PTPN4: variants seen among roughly 807,000 people sequenced by gnomAD.
PTPN4 encodes protein tyrosine phosphatase non-receptor type 4.
In PTPN4, 49 loss-of-function variants were observed where a neutral mutation model predicts 135.5. The observed-to-expected ratio is 0.36, with a 90% CI of 0.29 to 0.46. The LOEUF is 0.46. Among genes scored for constraint, PTPN4 ranks in the 20% least tolerant of loss-of-function variants. PTPN4 has a pLI of 1.00. For missense variants in PTPN4, 860 were observed against 1,101.0 expected (o/e 0.78, Z 3.10); for synonymous variants, 333 against 369.9 (o/e 0.90, Z 1.14).
chr2:119,809,798 G>T lies in PTPN4; in HGVS notation c.-17-39G>T. The T allele has an allele frequency of 4.7e-6, 7 of 1,494,820 alleles. No homozygotes were observed. The South Asian group carries it at 5.4e-5, about 11-fold the overall frequency. The allele number at this position is 1,494,820 out of a possible 1,614,324, so 92.6% of individuals were successfully genotyped here. Reference sequence around the variant, plus strand: ...TTTTAAACTACAGCTTATATTTTACGAACCTTTTATTTAGTGAATTTTTTT... The same window carrying T: ...TTTTAAACTACAGCTTATATTTTACTAACCTTTTATTTAGTGAATTTTTTT... On this transcript the variant is annotated intron_variant, in intron 1 of 26. Transcript: ENST00000263708.
intron 3 of PTPN4, among the ~76,000 whole-genome samples, chr2:119,868,471 C>G (rs1157677543): frequency 6.6e-6 from 1 of 152,140 alleles, no homozygotes; most frequent in Non-Finnish European, 1.5e-5. Flanking sequence ...CAGGACCCCC[C>G]AAAATCTGGC....
At chr2:119,846,927 A>G (rs565053060) in intron 2 of PTPN4, among the ~76,000 whole-genome samples, 1 of 151,560 alleles carries the variant, frequency 6.6e-6, no homozygotes, top group East Asian at 1.9e-4. Flanking sequence ...ATATACATAT[A>G]TTACAAACCC....
At chr2:119,828,278 T>A (rs999249836) in intron 2 of PTPN4, among the ~76,000 whole-genome samples, 2 of 152,232 alleles carry the variant, frequency 1.3e-5, no homozygotes, top group Non-Finnish European at 2.9e-5. Context: ...CTATCTGCTG[T>A]CTAACTGTAG....
intron 9 of PTPN4, among the ~76,000 whole-genome samples, chr2:119,887,321 T>C (rs1416807698): frequency 7.9e-5 from 12 of 152,058 alleles, no homozygotes; most frequent in Non-Finnish European, 1.5e-5. Flanking sequence ...AGATCACATC[T>C]CTACAAATTT....
rs533913416 is a variant in PTPN4 at position 119,981,115 on chromosome 2, A to G, written c.*4045A>G. 1.1e-4 allele frequency: 16 copies of G among 152,224 alleles called. No homozygotes were observed. In the South Asian group the frequency reaches 3.3e-3, roughly 32 times the overall value. The allele number at this position is 152,224 out of a possible 1,614,324, so 9.4% of individuals were successfully genotyped here. ...ATTCATAAAAATTGTTTATACCACA[A>G]TAATGTGGGATATGTTTACAGGCTC... is the stretch of plus-strand genomic sequence containing the variant. On this transcript the variant is annotated 3_prime_UTR_variant, in exon 27 of 27. Transcript: ENST00000263708.
At position 119,760,319 on chromosome 2, in the gene PTPN4, C is replaced by G. The variant is rs935811608; in HGVS notation, c.-83C>G. On this transcript the variant is annotated 5_prime_UTR_variant, in exon 1 of 27. Transcript: ENST00000263708. ...GAGCGGCACGGAGGACGCGCTTCTCCTCTGCGCGCCGGGGCCTCGAGGCTT... is the reference window on the plus strand; with the variant it reads ...GAGCGGCACGGAGGACGCGCTTCTCGTCTGCGCGCCGGGGCCTCGAGGCTT... 6.3e-5 allele frequency: 25 copies of G among 395,308 alleles called. No individual in the cohort carries two copies. The highest frequency in any genetic ancestry group is 3.5e-4 in the Admixed American group (8 of 22,632). The allele number at this position is 395,308 out of a possible 1,614,324, so 24.5% of individuals were successfully genotyped here. A position where few individuals can be genotyped will look rare whatever the true frequency, so the allele number is the denominator to read the frequency against.
chr2:119,932,391 A>G (rs1407469649), intron 13 of PTPN4, 33 bp from the exon 14 acceptor site: 4 of 1,524,680 alleles, frequency 2.6e-6, no homozygotes, highest in Non-Finnish European at 3.5e-6. Flanking sequence ...TAAAAATAAA[A>G]CTTTTAACAT....
intron 1 of PTPN4, among the ~76,000 whole-genome samples, chr2:119,793,334 T>C (rs1333930312): frequency 6.6e-5 from 10 of 152,222 alleles, no homozygotes; most frequent in Admixed American, 3.3e-4. Context: ...GACTCTGTCC[T>C]GCCCGGCTCC....
At chr2:119,860,957 C>T (rs1677752002) in intron 2 of PTPN4, among the ~76,000 whole-genome samples, 1 of 151,216 alleles carries the variant, frequency 6.6e-6, no homozygotes, top group South Asian at 2.1e-4. Context: ...AGGAGAATCG[C>T]TTGAACGTGG....
intron 2 of PTPN4, 132 bp downstream of exon 2, chr2:119,810,123 C>T (rs1399578228): frequency 2.7e-6 from 3 of 1,094,306 alleles, no homozygotes; most frequent in Non-Finnish European, 3.8e-6. Flanking sequence ...CTTTTTGGTG[C>T]AGGATTGTAT....
At chr2:119,760,815 T>C (rs72969106) in intron 1 of PTPN4, among the ~76,000 whole-genome samples, 2,659 of 141,698 alleles carry the variant, frequency 0.019, 107 homozygotes, top group African/African-American at 0.069. Context: ...ATTGAAGTTT[T>C]AAGCCTGTTA....
In PTPN4 at chr2:119,968,509, C is replaced by T. The variant is rs140049318; in HGVS notation, c.2694+537C>T. 3.3e-5 allele frequency among the ~76,000 whole-genome samples: 5 copies of T among 152,184 alleles called. No individual in the cohort carries two copies. The East Asian group carries it at 9.7e-4, about 29-fold the overall frequency. ...ACATAAAAACTTGCATTGCAGCGGC[C>T]GGGCGCGGTAGGTAGCTCACGCCTG... On this transcript the variant is annotated intron_variant, in intron 26 of 26. Transcript: ENST00000263708.
intron 8 of PTPN4, among the ~76,000 whole-genome samples, chr2:119,883,909 A>G (rs1678116425): frequency 6.6e-6 from 1 of 152,178 alleles, no homozygotes; most frequent in Non-Finnish European, 1.5e-5. Context: ...ATAACAAACC[A>G]TGGCCATTGA....
At chr2:119,976,722 C>T (rs1235394162) in intron 26 of PTPN4, among the ~76,000 whole-genome samples, 1 of 152,204 alleles carries the variant, frequency 6.6e-6, no homozygotes, top group East Asian at 1.9e-4. Context: ...TTCTTATATG[C>T]TGCCAAATTC....
chr2:119,965,185 T>C (rs1679428037), intron 24 of PTPN4, among the ~76,000 whole-genome samples: 1 of 152,148 alleles, frequency 6.6e-6, no homozygotes, highest in Non-Finnish European at 1.5e-5. Flanking sequence ...TTCATCAGTA[T>C]GCAGGACCCA....
At chr2:119,797,753 G>A (rs1022219094) in intron 1 of PTPN4, among the ~76,000 whole-genome samples, 10 of 152,078 alleles carry the variant, frequency 6.6e-5, no homozygotes, top group Non-Finnish European at 1.0e-4. Flanking sequence ...AAACAAGGTC[G>A]GAAACAGCAT....
At chr2:119,937,289 T>G (rs1055588920) in intron 15 of PTPN4, among the ~76,000 whole-genome samples, 1 of 152,264 alleles carries the variant, frequency 6.6e-6, no homozygotes, top group African/African-American at 2.4e-5. Flanking sequence ...TGTATTGGAT[T>G]AAGCACAGAA....
chr2:119,923,628 A>G (rs1056917547), intron 12 of PTPN4, among the ~76,000 whole-genome samples: 3 of 152,158 alleles, frequency 2.0e-5, no homozygotes, highest in Non-Finnish European at 2.9e-5. Context: ...CCAGGAGATA[A>G]ATCAGAATAA....
intron 1 of PTPN4, among the ~76,000 whole-genome samples, chr2:119,805,713 G>T (rs960409384): frequency 6.6e-6 from 1 of 152,176 alleles, no homozygotes; most frequent in African/African-American, 2.4e-5. Flanking sequence ...GTCAGATAGT[G>T]TGATGCCTCC....
Sources: gnomAD v4.1 joint callset for allele counts (sites outside exome capture counted in the v4.1 genomes callset) on GRCh38, gnomAD v4.1.1 for gene constraint, MANE v1.5 for transcripts, NCBI Gene and HGNC (gene_info 2026-07-23, HGNC 2026-07-21) for gene names.